Variants in ME3 observed in about 807,000 individuals in gnomAD.
ME3 encodes the protein malic enzyme 3.
Under a neutral mutation model 68.9 loss-of-function variants are expected in ME3, and 48 were observed. The ratio of observed to expected loss-of-function variants is 0.70; its 90% CI spans 0.55 to 0.89. ME3 has a LOEUF of 0.89. Among genes scored for constraint, ME3 ranks in the 40% least tolerant of loss-of-function variants. The pLI is 0.00. For synonymous variants in ME3, 320 were observed against 318.8 expected (o/e 1.00, Z -0.04); for missense variants, 675 against 797.4 (o/e 0.85, Z 1.85).
chr11:86,510,003 TAAAAC>T (rs1039992492), intron 4 of ME3, among the ~76,000 whole-genome samples: 2 of 152,094 alleles, frequency 1.3e-5, no homozygotes, highest in African/African-American at 4.8e-5. Flanking sequence ...ATAAAAAAAT[TAAAAC>T]AAAATAAAAC....
chr11:86,513,503 A>G (rs911800296), intron 4 of ME3, among the ~76,000 whole-genome samples: 1 of 152,216 alleles, frequency 6.6e-6, no homozygotes, highest in Non-Finnish European at 1.5e-5. Context: ...CACACAGCTC[A>G]TAAGCAGCTG....
intron 4 of ME3, among the ~76,000 whole-genome samples, chr11:86,512,874 C>T (rs562439051): frequency 1.3e-5 from 2 of 152,260 alleles, no homozygotes; most frequent in East Asian, 1.9e-4. Flanking sequence ...TTATTTTGAG[C>T]TAAAGACCAT....
chr11:86,501,419 A>G (rs945487485), intron 5 of ME3, among the ~76,000 whole-genome samples: 10 of 152,362 alleles, frequency 6.6e-5, no homozygotes, highest in Middle Eastern at 6.8e-3. Context: ...TGTTAAATGA[A>G]TGAATGAAAA....
At chr11:86,566,584 A>G (rs1323897238) in intron 2 of ME3, among the ~76,000 whole-genome samples, 1 of 151,054 alleles carries the variant, frequency 6.6e-6, no homozygotes. Flanking sequence ...ATGAATATCT[A>G]ATCTTATTCT....
At chr11:86,505,299 G>A (rs1335933003) in intron 5 of ME3, among the ~76,000 whole-genome samples, 2 of 152,056 alleles carry the variant, frequency 1.3e-5, no homozygotes, top group Admixed American at 6.6e-5. Context: ...AGTGGGTAGG[G>A]CAGGGAGGGG....
intron 4 of ME3, among the ~76,000 whole-genome samples, chr11:86,516,564 T>C (rs933654431): frequency 2.0e-5 from 3 of 152,150 alleles, no homozygotes; most frequent in African/African-American, 7.2e-5. Context: ...ATTTTTTGTA[T>C]TTTTAGTAGA....
At chr11:86,610,079 A>G (rs2135186959) in intron 2 of ME3, among the ~76,000 whole-genome samples, 1 of 152,284 alleles carries the variant, frequency 6.6e-6, no homozygotes, top group East Asian at 1.9e-4. Context: ...AACATGTTTA[A>G]ACATATGCCA....
chr11:86,514,925 A>G (rs577532511), intron 4 of ME3, among the ~76,000 whole-genome samples: 3 of 152,294 alleles, frequency 2.0e-5, no homozygotes, highest in East Asian at 3.9e-4. Context: ...GTCCAGAGAG[A>G]TATTTGGCTC....
rs528465337 is a variant in ME3, at chr11:86,561,843, T to C, written c.184-2020A>G. Among the ~76,000 whole-genome samples the C allele has an allele frequency of 2.4e-4, 37 of 152,306 alleles. No individual in the cohort carries two copies. In the East Asian group the frequency reaches 2.5e-3, roughly 10 times the overall value. On this transcript the variant is annotated intron_variant, in intron 2 of 14. Transcript: ENST00000543262. Reference sequence around the variant, plus strand: ...TTTCCCTCTACCCTCTTCACTGAGATTGTTACATACATCTGTAATACAATT... The same window carrying C: ...TTTCCCTCTACCCTCTTCACTGAGACTGTTACATACATCTGTAATACAATT...
chr11:86,528,151 A>G (rs2139242546), intron 4 of ME3, among the ~76,000 whole-genome samples: 1 of 152,324 alleles, frequency 6.6e-6, no homozygotes, highest in Admixed American at 6.5e-5. Flanking sequence ...AAATAAAGGG[A>G]TGGAGGAAGA....
intron 8 of ME3, among the ~76,000 whole-genome samples, chr11:86,459,314 G>A (rs952812927): frequency 1.3e-5 from 2 of 152,168 alleles, no homozygotes; most frequent in Non-Finnish European, 2.9e-5. Flanking sequence ...CCCCAGTCCT[G>A]TGCTCACATG....
intron 8 of ME3, among the ~76,000 whole-genome samples, chr11:86,455,117 A>T (rs1026349317): frequency 6.6e-6 from 1 of 152,238 alleles, no homozygotes; most frequent in African/African-American, 2.4e-5. Flanking sequence ...TGTCACAGAG[A>T]CAGGGCTAAG....
intron 2 of ME3, among the ~76,000 whole-genome samples, chr11:86,588,322 G>C (rs1021538762): frequency 6.6e-6 from 1 of 152,194 alleles, no homozygotes; most frequent in Non-Finnish European, 1.5e-5. Flanking sequence ...AATACAACAA[G>C]TAATAACAAT....
At chr11:86,617,076 T>TTTTTA in intron 2 of ME3, among the ~76,000 whole-genome samples, 1 of 122,900 alleles carries the variant, frequency 8.1e-6, no homozygotes, top group Admixed American at 8.2e-5. Flanking sequence ...TTTTTTTTTT[T>TTTTTA]TTAAAGATGA....
At chr11:86,452,374 G>A (rs1949683393) in intron 8 of ME3, among the ~76,000 whole-genome samples, 2 of 152,162 alleles carry the variant, frequency 1.3e-5, no homozygotes. Context: ...GTGAGGACAG[G>A]GAGGACTATG....
chr11:86,454,617 G>A (rs11825033), intron 8 of ME3, among the ~76,000 whole-genome samples: 5,658 of 152,260 alleles, frequency 0.037, 158 homozygotes, highest in African/African-American at 0.069. Context: ...TCATTTTACA[G>A]ATTGGGAAAA....
chr11:86,564,105 A>G (rs1038733393), intron 2 of ME3, among the ~76,000 whole-genome samples: 2 of 151,894 alleles, frequency 1.3e-5, no homozygotes, highest in Non-Finnish European at 2.9e-5. Flanking sequence ...ATTTACTGGT[A>G]TTGTCTCTGA....
At chr11:86,579,737 C>A (rs1958326849) in intron 2 of ME3, among the ~76,000 whole-genome samples, 1 of 152,116 alleles carries the variant, frequency 6.6e-6, no homozygotes, top group Admixed American at 6.5e-5. Context: ...GTTTGGGTAC[C>A]ACTTATTTGG....
chr11:86,531,532 A>C (rs1468449368), intron 4 of ME3, among the ~76,000 whole-genome samples: 1 of 152,230 alleles, frequency 6.6e-6, no homozygotes, highest in Non-Finnish European at 1.5e-5. Context: ...TCATGCTGCT[A>C]TAAAGACACA....
Sources: allele counts gnomAD v4.1 joint callset (sites outside exome capture counted in the v4.1 genomes callset), GRCh38; gene constraint gnomAD v4.1.1; transcripts MANE v1.5; gene names NCBI Gene and HGNC (gene_info 2026-07-23, HGNC 2026-07-21).